Variants in CTNND2 observed in about 807,000 individuals in gnomAD.
CTNND2 encodes catenin delta-2.
CTNND2 carries 22 observed loss-of-function variants against 144.4 expected under a neutral mutation model. The observed-to-expected ratio is 0.15, with a 90% CI of 0.11 to 0.22. The LOEUF (loss-of-function observed/expected upper bound fraction) is 0.22, where lower values mean the gene tolerates loss of function less well. Among genes scored for constraint, CTNND2 ranks in the 10% least tolerant of loss-of-function variants. CTNND2 has a pLI of 1.00. For synonymous variants in CTNND2, 751 were observed against 695.6 expected, an observed-to-expected ratio of 1.08 and a Z score of -1.25; for missense variants, 1,353 against 1,618.8, an observed-to-expected ratio of 0.84 and a Z score of 2.82.
At chr5:11,715,640 T>C (rs1353040239) in intron 2 of CTNND2, among the ~76,000 whole-genome samples, 4 of 152,208 alleles carry the variant, frequency 2.6e-5, no homozygotes, top group Non-Finnish European at 5.9e-5. Flanking sequence ...TATTCTGGAA[T>C]GCTTCAATTC....
chr5:11,516,949 A>G (rs1159797055), intron 3 of CTNND2, among the ~76,000 whole-genome samples: 1 of 152,212 alleles, frequency 6.6e-6, no homozygotes, highest in Non-Finnish European at 1.5e-5. Flanking sequence ...TGTAGTTACT[A>G]CCATATGTTT....
intron 3 of CTNND2, among the ~76,000 whole-genome samples, chr5:11,433,712 C>T (rs947951807): frequency 9.2e-5 from 14 of 152,146 alleles, no homozygotes; most frequent in African/African-American, 2.7e-4. Flanking sequence ...CACTCACTAT[C>T]GCAGAGACAG....
rs1303385664 is a variant in CTNND2, at chr5:11,826,213, GACAAA to G, written c.37+77599_37+77603del. Among the ~76,000 whole-genome samples the G allele has an allele frequency of 5.3e-5, 8 of 151,938 alleles. 1 individual carries two copies. Among genetic ancestry groups the G allele is most frequent in the Admixed American group, 1.3e-4 (2 of 15,266 alleles). On this transcript the variant is annotated intron_variant, in intron 1 of 21. Transcript: ENST00000304623. Reference sequence around the variant, plus strand: ...AAATCATAGTTCAGATTCTGAGAAAGACAAAACAAAATTATACTATTGTAACTTCC... The same window carrying G: ...AAATCATAGTTCAGATTCTGAGAAAGACAAAATTATACTATTGTAACTTCC...
chr5:11,017,995 A>T lies in CTNND2; in HGVS notation c.3063T>A (p.Asp1021Glu). The change falls in exon 18 of 22, where the codon GAT (aspartate) becomes GAA (glutamate). Residue 1021 changes from aspartate to glutamate, a missense_variant. Asp to Glu is a conservative substitution (Grantham distance 45). Coordinates refer to ENST00000304623, the MANE Select transcript of CTNND2 (RefSeq NM_001332.4). ...TTACCTTTTTGTAGAGACTCCTCAGATCTCGGTACTGCCACATGCTGTTGA... is the reference window on the plus strand; with the variant it reads ...TTACCTTTTTGTAGAGACTCCTCAGTTCTCGGTACTGCCACATGCTGTTGA... ...QVLNSMWQYR[D>E]LRSLYKKDGW... 1 of 1,613,294 alleles carries T rather than the reference A, an allele frequency of 6.2e-7. No homozygotes were observed. Among genetic ancestry groups the T allele is most frequent in the Non-Finnish European group, 8.5e-7 (1 of 1,179,474 alleles).
At chr5:11,650,698 G>T (rs1471747768) in intron 2 of CTNND2, among the ~76,000 whole-genome samples, 1 of 152,206 alleles carries the variant, frequency 6.6e-6, no homozygotes, top group African/African-American at 2.4e-5. Context: ...CTCTTGCTAT[G>T]CTTTAGCAAA....
chr5:11,651,453 G>A (rs1251784117), intron 2 of CTNND2, among the ~76,000 whole-genome samples: 1 of 152,240 alleles, frequency 6.6e-6, no homozygotes, highest in Admixed American at 6.5e-5. Context: ...GGAAATGTGA[G>A]GTTGGATCCC....
At chr5:11,518,709 G>A (rs911566658) in intron 3 of CTNND2, among the ~76,000 whole-genome samples, 2 of 152,090 alleles carry the variant, frequency 1.3e-5, no homozygotes, top group African/African-American at 4.8e-5. Flanking sequence ...TTACCATTGT[G>A]TTACAACTGC....
chr5:11,647,774 C>G (rs1782437284), intron 2 of CTNND2, among the ~76,000 whole-genome samples: 2 of 152,072 alleles, frequency 1.3e-5, no homozygotes, highest in Non-Finnish European at 2.9e-5. Flanking sequence ...TTCTCACGGG[C>G]ATCCCATCAC....
chr5:11,355,887 CACTATCTGTACAGAAATAT>C (rs1451671836), intron 8 of CTNND2, among the ~76,000 whole-genome samples: 53 of 152,062 alleles, frequency 3.5e-4, no homozygotes, highest in African/African-American at 1.1e-3. Context: ...CATTTCTATA[CACTATCTGTACAGAAATAT>C]ACTAGCTGAA....
chr5:11,610,345 T>C (rs902977307), intron 2 of CTNND2, among the ~76,000 whole-genome samples: 1 of 152,234 alleles, frequency 6.6e-6, no homozygotes, highest in Non-Finnish European at 1.5e-5. Context: ...TCAAACTCTT[T>C]AGCTGAAAAG....
At chr5:11,758,765 G>A (rs894399357) in intron 1 of CTNND2, among the ~76,000 whole-genome samples, 1 of 151,958 alleles carries the variant, frequency 6.6e-6, no homozygotes, top group Non-Finnish European at 1.5e-5. Flanking sequence ...ATTCTCTACT[G>A]TATTTTTAAA....
At chr5:11,745,274 G>C (rs1192716654) in intron 1 of CTNND2, among the ~76,000 whole-genome samples, 2 of 152,046 alleles carry the variant, frequency 1.3e-5, no homozygotes, top group African/African-American at 4.8e-5. Context: ...CTCCACCAAG[G>C]CATTCTCAGG....
chr5:11,130,266 C>T (rs563899553), intron 12 of CTNND2, among the ~76,000 whole-genome samples: 1 of 152,172 alleles, frequency 6.6e-6, no homozygotes, highest in African/African-American at 2.4e-5. Flanking sequence ...CACACCCCCC[C>T]CATCCACCCA....
intron 3 of CTNND2, among the ~76,000 whole-genome samples, chr5:11,558,545 T>G (rs550338758): frequency 6.0e-4 from 92 of 152,308 alleles, no homozygotes; most frequent in African/African-American, 2.1e-3. Context: ...TTTTGTATTT[T>G]TTTTTGTAGA....
At chr5:11,698,413 C>T (rs1478067210) in intron 2 of CTNND2, among the ~76,000 whole-genome samples, 15 of 151,950 alleles carry the variant, frequency 9.9e-5, no homozygotes, top group Non-Finnish European at 1.8e-4. Context: ...CTCAGCCTCC[C>T]GAATAGCTGG....
chr5:11,184,135 C>G (rs1252664407), intron 11 of CTNND2, among the ~76,000 whole-genome samples: 1 of 152,144 alleles, frequency 6.6e-6, no homozygotes, highest in Non-Finnish European at 1.5e-5. Context: ...GATTTCCATG[C>G]ATATTACTGC....
At chr5:11,578,859 A>G (rs1450338101) in intron 2 of CTNND2, among the ~76,000 whole-genome samples, 7 of 152,154 alleles carry the variant, frequency 4.6e-5, no homozygotes, top group Admixed American at 4.6e-4. Context: ...TATGTAATAT[A>G]TGTATGCATG....
intron 16 of CTNND2, among the ~76,000 whole-genome samples, chr5:11,034,842 G>A (rs1178810393): frequency 6.6e-6 from 1 of 151,038 alleles, no homozygotes. Flanking sequence ...AACTACTAGT[G>A]GTCTGTTGAT....
At chr5:11,900,347 G>A in intron 1 of CTNND2, among the ~76,000 whole-genome samples, 1 of 152,148 alleles carries the variant, frequency 6.6e-6, no homozygotes, top group Non-Finnish European at 1.5e-5. Context: ...TGTCATAACT[G>A]CAGATTTTTG....
Sources: allele counts gnomAD v4.1 joint callset (sites outside exome capture counted in the v4.1 genomes callset), GRCh38; gene constraint gnomAD v4.1.1; transcripts MANE v1.5; gene names NCBI Gene and HGNC (gene_info 2026-07-23, HGNC 2026-07-21).